The following BLTP3B variants were observed in gnomAD, a reference collection of about 807,000 sequenced individuals.
BLTP3B encodes the protein bridge-like lipid transfer protein family member 3B.
At chr12:100,116,386 G>A in the BLTP3B span, among the ~76,000 whole-genome samples, 2 of 148,930 alleles carry the variant, frequency 1.3e-5, no homozygotes, top group Admixed American at 6.7e-5. Flanking sequence ...CCCAGGAGGT[G>A]GAGTTGGTGC....
chr12:100,121,932 C>T, the BLTP3B span, among the ~76,000 whole-genome samples: 2 of 151,544 alleles, frequency 1.3e-5, no homozygotes, highest in South Asian at 4.2e-4. Context: ...TATATACATA[C>T]TATATATATA....
chr12:100,047,185 G>A, the BLTP3B span, among the ~76,000 whole-genome samples: 3 of 152,144 alleles, frequency 2.0e-5, no homozygotes, highest in African/African-American at 7.2e-5. Context: ...TTCGAAATTT[G>A]AGTAGGTGTT....
the BLTP3B span, chr12:100,058,633 G>A: frequency 2.5e-6 from 4 of 1,614,026 alleles, no homozygotes; most frequent in Non-Finnish European, 3.4e-6. Flanking sequence ...GGAGACTTAA[G>A]AGTATTTGCT....
chr12:100,094,132 C>G, the BLTP3B span, among the ~76,000 whole-genome samples: 3 of 151,832 alleles, frequency 2.0e-5, no homozygotes, highest in African/African-American at 7.3e-5. Flanking sequence ...TTCCTTTTTT[C>G]TTTTGGAAAC....
the BLTP3B span, chr12:100,051,118 A>C: frequency 6.2e-7 from 1 of 1,613,974 alleles, no homozygotes; most frequent in East Asian, 2.2e-5. Flanking sequence ...CTGAATTTGT[A>C]CTGATGGCAT....
the BLTP3B span, among the ~76,000 whole-genome samples, chr12:100,128,313 A>T: frequency 6.6e-6 from 1 of 152,288 alleles, no homozygotes; most frequent in East Asian, 1.9e-4. Flanking sequence ...CATCAGGAAG[A>T]GATGGTTATA....
chr12:100,078,161 C>T, the BLTP3B span, among the ~76,000 whole-genome samples: 2 of 152,020 alleles, frequency 1.3e-5, no homozygotes, highest in East Asian at 3.9e-4. Context: ...GGGGCAGATA[C>T]CTCATGGCTT....
chr12:100,127,969 C>T, the BLTP3B span, among the ~76,000 whole-genome samples: 10,317 of 152,108 alleles, frequency 0.068, 383 homozygotes, highest in South Asian at 0.089. Context: ...GCTGTGACTG[C>T]ACTACTGCAC....
the BLTP3B span, among the ~76,000 whole-genome samples, chr12:100,082,047 C>T: frequency 7.9e-5 from 12 of 152,238 alleles, no homozygotes; most frequent in South Asian, 2.5e-3. Context: ...TAAGCATTCC[C>T]TTTTCTCCAC....
the BLTP3B span, chr12:100,082,888 A>T: frequency 1.5e-6 from 1 of 653,580 alleles, no homozygotes; most frequent in Non-Finnish European, 2.6e-6. Context: ...TTTCTATGCC[A>T]TCTAATATGG....
chr12:100,135,163 TG>T, the BLTP3B span, among the ~76,000 whole-genome samples: 1 of 152,336 alleles, frequency 6.6e-6, no homozygotes, highest in Non-Finnish European at 1.5e-5. Flanking sequence ...CCTATATTGG[TG>T]GTCTTCGTAT....
chr12:100,106,159 G>T, the BLTP3B span, among the ~76,000 whole-genome samples: 8,271 of 151,930 alleles, frequency 0.054, 305 homozygotes, highest in Admixed American at 0.1. Context: ...ATTTCTCAAA[G>T]AACTAAAAGT....
chr12:100,095,152 A>G, the BLTP3B span, among the ~76,000 whole-genome samples: 13 of 152,046 alleles, frequency 8.6e-5, no homozygotes, highest in Non-Finnish European at 1.6e-4. Flanking sequence ...TCTCCATACC[A>G]ACTAATAATG....
chr12:100,060,348 G>A, the BLTP3B span, among the ~76,000 whole-genome samples: 1 of 152,042 alleles, frequency 6.6e-6, no homozygotes, highest in South Asian at 2.1e-4. Context: ...CATAAAACAG[G>A]AAGCACTGTT....
chr12:100,053,137 G>A, the BLTP3B span, among the ~76,000 whole-genome samples: 1 of 151,886 alleles, frequency 6.6e-6, no homozygotes, highest in Non-Finnish European at 1.5e-5. Flanking sequence ...AGGCACAGTG[G>A]CTCACACCTA....
the BLTP3B span, among the ~76,000 whole-genome samples, chr12:100,124,106 ATTTTTTT>A: frequency 2.8e-5 from 4 of 144,598 alleles, no homozygotes; most frequent in African/African-American, 1.0e-4. Context: ...CTCTACGAGA[ATTTTTTT>A]TTTTTTTTTA....
chr12:100,063,848 AAAC>A, the BLTP3B span, among the ~76,000 whole-genome samples: 2 of 152,282 alleles, frequency 1.3e-5, no homozygotes, highest in Admixed American at 1.3e-4. Context: ...AGAACCAGAA[AAAC>A]AACTCTGGTA....
the BLTP3B span, chr12:100,142,629 C>T: frequency 6.2e-7 from 1 of 1,608,480 alleles, no homozygotes; most frequent in Middle Eastern, 1.7e-4. Context: ...TTGATGATCC[C>T]GGCCATGGTA....
At chr12:100,043,205 C>T in the BLTP3B span, among the ~76,000 whole-genome samples, 1 of 152,294 alleles carries the variant, frequency 6.6e-6, no homozygotes, top group South Asian at 2.1e-4. Context: ...TTATGACTTG[C>T]TTTACTGTGA....
Sources: allele counts gnomAD v4.1 joint callset (sites outside exome capture counted in the v4.1 genomes callset), GRCh38; gene constraint gnomAD v4.1.1; transcripts MANE v1.5; gene names NCBI Gene and HGNC (gene_info 2026-07-23, HGNC 2026-07-21).